Variants in HECW2 observed in about 807,000 individuals in gnomAD.
The protein encoded by HECW2 is E3 ubiquitin-protein ligase HECW2.
HECW2 carries 61 observed loss-of-function variants against 175.2 expected under a neutral mutation model. The ratio of observed to expected loss-of-function variants is 0.35; its 90% CI spans 0.28 to 0.43. HECW2 has a LOEUF of 0.43. HECW2 is among the 20% of genes least tolerant of loss of function. The probability of loss-of-function intolerance (pLI) is 1.00; values close to 1 mark genes in which losing one functional copy is unlikely to be tolerated. For synonymous variants in HECW2, 671 were observed against 731.0 expected (o/e 0.92, Z 1.32); for missense variants, 1,524 against 2,000.5 (o/e 0.76, Z 4.54).
intron 2 of HECW2, among the ~76,000 whole-genome samples, chr2:196,369,155 G>A (rs557332094): frequency 6.6e-6 from 1 of 152,238 alleles, no homozygotes; most frequent in South Asian, 2.1e-4. Context: ...CTTTGGTGTT[G>A]TGATCTAAGT....
intron 10 of HECW2, among the ~76,000 whole-genome samples, chr2:196,312,989 C>T (rs56252735): frequency 0.18 from 27,091 of 151,992 alleles, 2,584 homozygotes; most frequent in Middle Eastern, 0.26. Flanking sequence ...AATGTTCCCC[C>T]ATAGTTTGAA....
intron 2 of HECW2, among the ~76,000 whole-genome samples, chr2:196,397,286 C>T (rs981817123): frequency 1.3e-5 from 2 of 152,206 alleles, no homozygotes; most frequent in African/African-American, 4.8e-5. Context: ...TAAGGTAGCA[C>T]CTAATATGAT....
chr2:196,446,218 C>T (rs564168902), intron 1 of HECW2, among the ~76,000 whole-genome samples: 1 of 152,282 alleles, frequency 6.6e-6, no homozygotes, highest in Non-Finnish European at 1.5e-5. Context: ...ATATGCTATT[C>T]CCTCTGCTCT....
At chr2:196,331,120 T>G in intron 4 of HECW2, 1 of 984,138 alleles carries the variant, frequency 1.0e-6, no homozygotes, top group Non-Finnish European at 1.2e-6. Context: ...CTATTTTGTG[T>G]GCCACTTAAC....
At chr2:196,266,517 C>T (rs945363949) in intron 17 of HECW2, among the ~76,000 whole-genome samples, 3 of 152,136 alleles carry the variant, frequency 2.0e-5, no homozygotes, top group African/African-American at 7.2e-5. Context: ...GTAAACAAAT[C>T]AGGAGAGGAC....
chr2:196,272,194 A>G (rs1011290762), intron 16 of HECW2, among the ~76,000 whole-genome samples: 1 of 152,218 alleles, frequency 6.6e-6, no homozygotes, highest in African/African-American at 2.4e-5. Context: ...CTCTACGTGG[A>G]AATAAATGCC....
chr2:196,577,091 A>T (rs1360084476), intron 1 of HECW2, among the ~76,000 whole-genome samples: 2 of 152,212 alleles, frequency 1.3e-5, no homozygotes, highest in African/African-American at 2.4e-5. Flanking sequence ...AGAGATAATG[A>T]TAGGCTAGAA....
intron 1 of HECW2, among the ~76,000 whole-genome samples, chr2:196,469,585 T>A (rs190888175): frequency 6.6e-6 from 1 of 152,160 alleles, no homozygotes; most frequent in East Asian, 1.9e-4. Flanking sequence ...CAAAATTAAG[T>A]ATGTTTTATG....
chr2:196,578,315 T>C (rs1474270650), intron 1 of HECW2, among the ~76,000 whole-genome samples: 5 of 152,070 alleles, frequency 3.3e-5, no homozygotes, highest in Non-Finnish European at 5.9e-5. Context: ...GGTTATGCTG[T>C]CTTAGGAATA....
At chr2:196,463,228 T>C (rs914882162) in intron 1 of HECW2, among the ~76,000 whole-genome samples, 2 of 152,018 alleles carry the variant, frequency 1.3e-5, no homozygotes, top group East Asian at 1.9e-4. Context: ...TAACAGGTGA[T>C]TGCATTATCA....
At chr2:196,552,204 GAT>G (rs1218343861) in intron 1 of HECW2, among the ~76,000 whole-genome samples, 2 of 152,330 alleles carry the variant, frequency 1.3e-5, no homozygotes, top group African/African-American at 4.8e-5. Flanking sequence ...ACCAGGGAGA[GAT>G]ATTTAAGTTG....
chr2:196,317,705 A>G (rs1401921720), intron 9 of HECW2, among the ~76,000 whole-genome samples: 2 of 152,098 alleles, frequency 1.3e-5, no homozygotes, highest in African/African-American at 4.8e-5. Context: ...TAAAAAAAAA[A>G]AGGAGGAGGA....
intron 1 of HECW2, among the ~76,000 whole-genome samples, chr2:196,589,257 G>A (rs141815746): frequency 0.023 from 3,432 of 152,180 alleles, 52 homozygotes; most frequent in Middle Eastern, 0.044. Context: ...AAGCTTTTGA[G>A]GACTTCAGTG....
intron 2 of HECW2, among the ~76,000 whole-genome samples, chr2:196,359,285 T>C (rs1217365160): frequency 2.0e-5 from 3 of 152,110 alleles, no homozygotes; most frequent in African/African-American, 7.2e-5. Flanking sequence ...CTGTTTCTAC[T>C]GAAAATACAA....
At position 196,222,952 on chromosome 2, in the gene HECW2, G is replaced by C. The variant is rs372979534; in HGVS notation, c.4017-612C>G. Among the ~76,000 whole-genome samples the C allele has an allele frequency of 7.2e-5, 11 of 152,106 alleles. No homozygotes were observed. In the East Asian group the frequency reaches 1.5e-3, roughly 21 times the overall value. On this transcript the variant is annotated intron_variant, in intron 23 of 28. Coordinates refer to ENST00000644978, the MANE Select transcript of HECW2 (RefSeq NM_001348768.2). ...TTTTCCCCCACTTTTTTTAATTGTA[G>C]AGAAAGAATCGACATGAGGTAAGTT...
At chr2:196,205,839 C>T (rs925770977) in intron 28 of HECW2, among the ~76,000 whole-genome samples, 4 of 152,078 alleles carry the variant, frequency 2.6e-5, no homozygotes, top group Admixed American at 2.6e-4. Context: ...AACATGATAC[C>T]TACATTGGCT....
At chr2:196,534,467 T>C (rs1349091353) in intron 1 of HECW2, among the ~76,000 whole-genome samples, 3 of 152,152 alleles carry the variant, frequency 2.0e-5, no homozygotes, top group Non-Finnish European at 1.5e-5. Flanking sequence ...TTCTTCTCTT[T>C]AAATAATATA....
intron 2 of HECW2, among the ~76,000 whole-genome samples, chr2:196,427,219 G>A (rs1408847437): frequency 1.3e-5 from 2 of 152,130 alleles, no homozygotes; most frequent in Non-Finnish European, 2.9e-5. Context: ...CACCTTATCT[G>A]TTCACAGATC....
intron 1 of HECW2, among the ~76,000 whole-genome samples, chr2:196,508,829 C>T (rs1180835926): frequency 6.6e-6 from 1 of 152,104 alleles, no homozygotes; most frequent in Non-Finnish European, 1.5e-5. Flanking sequence ...TATTTTCATC[C>T]TAAGCTTTAA....
Sources: allele counts gnomAD v4.1 joint callset (sites outside exome capture counted in the v4.1 genomes callset), GRCh38; gene constraint gnomAD v4.1.1; transcripts MANE v1.5; gene names NCBI Gene and HGNC (gene_info 2026-07-23, HGNC 2026-07-21).